The following NARS1 variants were observed in gnomAD, a reference collection of about 807,000 sequenced individuals.
The protein encoded by NARS1 is asparaginyl-tRNA synthetase 1.
A neutral mutation model predicts 79.2 loss-of-function variants in NARS1; 65 were observed. That is an observed-to-expected ratio of 0.82 (90% CI 0.67 to 1.01). The LOEUF is 1.01. NARS1 is among the 50% of genes least tolerant of loss of function. NARS1 has a pLI of 0.00. For missense variants in NARS1, 649 were observed against 673.8 expected, an observed-to-expected ratio of 0.96 and a Z score of 0.41; for synonymous variants, 229 against 238.8, an observed-to-expected ratio of 0.96 and a Z score of 0.38.
rs752752210 is a variant in NARS1, at chr18:57,606,663, G to T, written c.1090C>A (p.Arg364=). ...LEDLVCDVVD[R]ILKSPAGSIV... Reference sequence around the variant, plus strand: ...CTCCCTGCAGGTGACTTCAATATTCGATCTACCACATCACAAACCAAGTCC... The same window carrying T: ...CTCCCTGCAGGTGACTTCAATATTCTATCTACCACATCACAAACCAAGTCC... The change falls in exon 10 of 14, where the codon CGA becomes AGA. Residue 364 remains arginine (R), a synonymous_variant. Coordinates refer to ENST00000256854, the MANE Select transcript of NARS1 (RefSeq NM_004539.4). 3.1e-6 allele frequency: 5 copies of T among 1,613,826 alleles called. No individual in the cohort carries two copies. The highest frequency in any genetic ancestry group is 2.7e-5 in the African/African-American group (2 of 74,830).
chr18:57,612,455 G>A (rs971556997), intron 5 of NARS1, among the ~76,000 whole-genome samples: 4 of 149,162 alleles, frequency 2.7e-5, no homozygotes, highest in Non-Finnish European at 4.4e-5. Context: ...TTTTTTTTCA[G>A]ATGGAGTTTC....
At position 57,607,657 on chromosome 18, in the gene NARS1, A is replaced by T; in HGVS notation, c.588T>A (p.Gly196=). The T allele has an allele frequency of 1.2e-6, 2 of 1,607,986 alleles. No homozygotes were observed. The highest frequency in any genetic ancestry group is 1.7e-6 in the Non-Finnish European group (2 of 1,175,538). ...NLTPKGKQAP[G]GHELSCDFWE... ...AGAAGTCACAACTCAGCTCATGGCC[A>T]CCTGGAGCCTGCATTTTTTAAAAGT... Residue 196 remains glycine, a synonymous_variant, in exon 8 of 14, where the codon GGT becomes GGA. Transcript: ENST00000256854.
chr18:57,601,968 C>A (rs1296539637), intron 13 of NARS1, among the ~76,000 whole-genome samples, 185 bp from the exon 14 acceptor site: 1 of 152,000 alleles, frequency 6.6e-6, no homozygotes, highest in Non-Finnish European at 1.5e-5. Context: ...ATGAACCATG[C>A]ATAAAGAAAT....
At position 57,602,475 on chromosome 18, in the gene NARS1, C is replaced by A. The variant is rs1159481029; in HGVS notation, c.1395G>T (p.Leu465Phe). 6.2e-7 allele frequency: 1 copy of A among 1,613,780 alleles called. No individual in the cohort carries two copies. Among genetic ancestry groups the A allele is most frequent in the Non-Finnish European group, 8.5e-7 (1 of 1,179,824 alleles). ...CCACAATCTCACCAACATTGGGCAT[C>A]AACACGTCGACCTTTAAATATAAGT... ...DSRLTESVDV[L>F]MPNVGEIVGG... is the part of the protein sequence containing the mutation. The change falls in exon 13 of 14, where the codon TTG becomes TTT. Residue 465 changes from leucine (L) to phenylalanine (F), a missense_variant. Physicochemically the swap from Leu to Phe is conservative, Grantham distance 22. Transcript: ENST00000256854.
chr18:57,619,266 A>ATTTTTTT (rs57667136), intron 2 of NARS1, among the ~76,000 whole-genome samples: 1 of 123,756 alleles, frequency 8.1e-6, no homozygotes, highest in African/African-American at 3.1e-5. Context: ...TGCCTGGCTA[A>ATTTTTTT]TTTTTTTTTT....
intron 10 of NARS1, 67 bp downstream of exon 10, chr18:57,606,549 G>A: frequency 6.8e-7 from 1 of 1,480,186 alleles, no homozygotes; most frequent in South Asian, 1.3e-5. Context: ...CAAAAACTGA[G>A]GGTGAAGACT....
intron 6 of NARS1, among the ~76,000 whole-genome samples, chr18:57,610,220 C>T (rs1380101484): frequency 6.6e-6 from 1 of 152,098 alleles, no homozygotes; most frequent in African/African-American, 2.4e-5. Flanking sequence ...ACCTGTAATC[C>T]CAGCACTTTC....
intron 4 of NARS1, among the ~76,000 whole-genome samples, chr18:57,615,310 G>T (rs929706914): frequency 6.6e-6 from 1 of 152,152 alleles, no homozygotes; most frequent in East Asian, 1.9e-4. Context: ...AGACCATCCT[G>T]GCTAACACGG....
chr18:57,602,685 C>A (rs1360669053), intron 12 of NARS1, 127 bp downstream of exon 12: 2 of 1,299,470 alleles, frequency 1.5e-6, no homozygotes, highest in East Asian at 2.5e-5. Context: ...AAAAACCCAA[C>A]GTCTTTAAAT....
At chr18:57,620,056 A>C (rs1003464279) in intron 2 of NARS1, among the ~76,000 whole-genome samples, 4 of 152,194 alleles carry the variant, frequency 2.6e-5, no homozygotes, top group Non-Finnish European at 5.9e-5. Context: ...AGATCCTGAG[A>C]AATAACAGCA....
chr18:57,608,902 A>G (rs779130649), intron 7 of NARS1, among the ~76,000 whole-genome samples: 34 of 152,212 alleles, frequency 2.2e-4, no homozygotes, highest in Middle Eastern at 3.2e-3. Flanking sequence ...TAGAAAAAGC[A>G]AGAGGAAGAA....
chr18:57,609,567 AGATGGCCACT>A, intron 6 of NARS1, 124 bp from the exon 7 acceptor site: 1 of 673,204 alleles, frequency 1.5e-6, no homozygotes, highest in African/African-American at 1.8e-5. Flanking sequence ...ATAAAGAGTG[AGATGGCCACT>A]GATTCTTAAT....
chr18:57,615,535 A>G (rs541757060), intron 4 of NARS1, 106 bp downstream of exon 4: 42 of 754,778 alleles, frequency 5.6e-5, no homozygotes, highest in Middle Eastern at 3.9e-4. Context: ...AATGGAAAGT[A>G]AAAACAAAAT....
intron 1 of NARS1, among the ~76,000 whole-genome samples, chr18:57,621,317 A>T (rs1908292074): frequency 6.7e-6 from 1 of 149,782 alleles, no homozygotes; most frequent in South Asian, 2.1e-4. Flanking sequence ...TAAAAAAATG[A>T]GGGTGGGAGA....
At position 57,601,761 on chromosome 18, in the gene NARS1, T is replaced by A. The variant is rs2051508865; in HGVS notation, c.1538A>T (p.His513Leu). The change falls in exon 14 of 14, where the codon CAT becomes CTT. Residue 513 changes from histidine to leucine, a missense_variant. Coordinates refer to ENST00000256854, the MANE Select transcript of NARS1 (RefSeq NM_004539.4). ...TTCCAAGCCCAAGCCATATCCTCCA[T>A]GGGGACATGTACCGTATTTTCTCTG... is the stretch of plus-strand genomic sequence containing the variant. ...TDQRKYGTCPHGGYGLGLERF... is the reference protein window; with the variant it reads ...TDQRKYGTCPLGGYGLGLERF... The A allele has an allele frequency of 1.9e-6, 3 of 1,613,348 alleles. No individual in the cohort carries two copies. The highest frequency in any genetic ancestry group is 2.5e-6 in the Non-Finnish European group (3 of 1,179,394).
rs1311227086 is a variant in NARS1, at chr18:57,601,053, C to T, written c.*599G>A. ...TCTATTTTTACAAATTCTTCAATTT[C>T]TATGCCTCAGGATTATTAGCAGCTA... On this transcript the variant is annotated 3_prime_UTR_variant, in exon 14 of 14. Transcript: ENST00000256854. The T allele has an allele frequency of 6.6e-6, 1 of 152,168 alleles. No homozygotes were observed. Among genetic ancestry groups the T allele is most frequent in the Non-Finnish European group, 1.5e-5 (1 of 68,012 alleles). 9.4% of individuals were successfully genotyped at this position (152,168 alleles called of 1,614,324 possible). A position where few individuals can be genotyped will look rare whatever the true frequency, so the allele number is the denominator to read the frequency against.
At chr18:57,602,269 C>A (rs943789286) in intron 13 of NARS1, 86 bp downstream of exon 13, 1 of 1,294,970 alleles carries the variant, frequency 7.7e-7, no homozygotes, top group East Asian at 2.3e-5. Flanking sequence ...AAGTACTACC[C>A]TGAATTCTCC....
At position 57,601,478 on chromosome 18, in the gene NARS1, A is replaced by G; in HGVS notation, c.*174T>C. 1.7e-6 allele frequency: 1 copy of G among 573,682 alleles called. No homozygotes were observed. The highest frequency in any genetic ancestry group is 2.7e-6 in the Non-Finnish European group (1 of 370,788). The allele number at this position is 573,682 out of a possible 1,614,324, so 35.5% of individuals were successfully genotyped here. A position where few individuals can be genotyped will look rare whatever the true frequency, so the allele number is the denominator to read the frequency against. ...ATGGATATTTTTTCTTAAGATGACA[A>G]CCTTAATATCACTTGATGTTCAGGT... is the stretch of plus-strand genomic sequence containing the variant. On this transcript the variant is annotated 3_prime_UTR_variant, in exon 14 of 14. Coordinates refer to ENST00000256854, the MANE Select transcript of NARS1 (RefSeq NM_004539.4).
intron 10 of NARS1, 80 bp from the exon 11 acceptor site, chr18:57,606,050 T>C (rs1370374593): frequency 2.1e-6 from 2 of 932,238 alleles, no homozygotes; most frequent in Non-Finnish European, 3.2e-6. Context: ...TAAAAAACTA[T>C]TATAAAGTAT....
Sources: allele counts gnomAD v4.1 joint callset (sites outside exome capture counted in the v4.1 genomes callset), GRCh38; gene constraint gnomAD v4.1.1; transcripts MANE v1.5; gene names NCBI Gene and HGNC (gene_info 2026-07-23, HGNC 2026-07-21).